Variants in WDR47 observed in about 807,000 individuals in gnomAD.
The protein encoded by WDR47 is WD repeat domain 47, also known as WD repeat-containing protein 47.
Under a neutral mutation model 97.2 loss-of-function variants are expected in WDR47, and 32 were observed. The observed-to-expected ratio is 0.33, with a 90% confidence interval of 0.25 to 0.44. WDR47 has a LOEUF of 0.44. Ranked by LOEUF, WDR47 falls within the 20% of genes least tolerant of loss-of-function variation. The probability of loss-of-function intolerance (pLI) is 1.00; values close to 1 mark genes in which losing one functional copy is unlikely to be tolerated. For missense variants in WDR47, 782 were observed against 1,102.3 expected (o/e 0.71, Z 4.11); for synonymous variants, 375 against 373.5 (o/e 1.00, Z -0.05).
chr1:108,990,318 C>T (rs975931829), intron 9 of WDR47, among the ~76,000 whole-genome samples: 3 of 152,108 alleles, frequency 2.0e-5, no homozygotes, highest in Admixed American at 6.6e-5. Flanking sequence ...AAGCAATTCT[C>T]GTGCCTCAGC....
chr1:108,981,897 G>C (rs367673828), intron 12 of WDR47, 33 bp from the exon 13 acceptor site: 1 of 1,598,278 alleles, frequency 6.3e-7, no homozygotes, highest in Non-Finnish European at 8.5e-7. Flanking sequence ...TTATTAAGGT[G>C]GGAGAGTATC....
intron 7 of WDR47, among the ~76,000 whole-genome samples, chr1:109,001,742 A>C (rs972672982): frequency 6.6e-6 from 1 of 152,060 alleles, no homozygotes; most frequent in African/African-American, 2.4e-5. Flanking sequence ...AAATACAAAA[A>C]TTAGCTGGGT....
At chr1:109,007,673 A>C (rs1660722205) in intron 5 of WDR47, among the ~76,000 whole-genome samples, 1 of 152,194 alleles carries the variant, frequency 6.6e-6, no homozygotes, top group African/African-American at 2.4e-5. Flanking sequence ...CTCTACTAGA[A>C]GCTTTATCTC....
chr1:109,017,806 G>A (rs1661529256), intron 2 of WDR47, among the ~76,000 whole-genome samples: 4 of 150,944 alleles, frequency 2.6e-5, no homozygotes. Flanking sequence ...GAGTGCAATG[G>A]CACAATCTCG....
At chr1:109,016,571 G>A (rs1005650545) in intron 3 of WDR47, among the ~76,000 whole-genome samples, 19 of 152,128 alleles carry the variant, frequency 1.2e-4, no homozygotes, top group African/African-American at 3.9e-4. Flanking sequence ...AAGGAGCCTG[G>A]AGAAAACAGA....
At chr1:109,033,471 A>G (rs1389430014) in intron 1 of WDR47, among the ~76,000 whole-genome samples, 1 of 152,232 alleles carries the variant, frequency 6.6e-6, no homozygotes, top group Non-Finnish European at 1.5e-5. Flanking sequence ...CCTCAATAAT[A>G]GTTTTATAAC....
intron 9 of WDR47, among the ~76,000 whole-genome samples, chr1:108,989,375 C>T (rs1251159385): frequency 1.3e-5 from 2 of 152,252 alleles, no homozygotes; most frequent in African/African-American, 4.8e-5. Context: ...CTCTCTCTAC[C>T]TAAGCCTTTA....
intron 1 of WDR47, 96 bp from the exon 2 acceptor site, chr1:109,023,617 C>T (rs1662004210): frequency 3.3e-6 from 4 of 1,216,742 alleles, no homozygotes; most frequent in Non-Finnish European, 4.5e-6. Flanking sequence ...TACTGGGAAT[C>T]TTTAGTACAC....
chr1:108,983,420 G>A lies in WDR47; in HGVS notation c.1957C>T (p.Arg653Cys), dbSNP rs745414709. ...AHETPKQPVV[R>C]FKRNKHHKGS... The stretch of plus-strand genomic sequence containing the variant: ...TTATGATGTTTATTCCTTTTAAAAC[G>A]TACCACCGGCTGCTTAGGAGTCTCA... Residue 653 changes from arginine to cysteine, a missense_variant, in exon 11 of 15, where the codon CGT becomes TGT. Physicochemically the swap from Arg to Cys is radical, Grantham distance 180. This residue lies in a region of WDR47 where 228 missense variants were observed against 396.7 expected (regional missense o/e 0.57). Transcript: ENST00000369962. 13 of 1,602,218 alleles carry A rather than the reference G, an allele frequency of 8.1e-6. No homozygotes were observed. The highest frequency in any genetic ancestry group is 2.3e-5 in the East Asian group (1 of 44,076).
chr1:109,011,772 A>G (rs898107676), intron 4 of WDR47, 54 bp from the exon 5 acceptor site: 31 of 1,477,230 alleles, frequency 2.1e-5, no homozygotes, highest in African/African-American at 4.2e-5. Flanking sequence ...ATGCTATGAA[A>G]TATGAAAACG....
chr1:108,999,348 A>G (rs900387230), intron 7 of WDR47, among the ~76,000 whole-genome samples: 12 of 152,230 alleles, frequency 7.9e-5, no homozygotes, highest in African/African-American at 2.6e-4. Context: ...TGGAAGCTCC[A>G]TGTCAAAAAC....
At chr1:109,009,838 A>C (rs1660898741) in intron 5 of WDR47, among the ~76,000 whole-genome samples, 1 of 152,074 alleles carries the variant, frequency 6.6e-6, no homozygotes, top group Non-Finnish European at 1.5e-5. Flanking sequence ...TCTCTACTAA[A>C]AATACAAAAA....
intron 9 of WDR47, chr1:108,987,284 C>T (rs1470953865): frequency 6.3e-6 from 1 of 158,652 alleles, no homozygotes; most frequent in Non-Finnish European, 1.5e-5. Flanking sequence ...TAAAGTGCAG[C>T]ATTATTGCTT....
In WDR47 at chr1:108,995,751, C is replaced by T. The variant is rs1251160107; in HGVS notation, c.1520G>A (p.Ser507Asn). Residue 507 changes from serine (S) to asparagine (N), a missense_variant, in exon 8 of 15, where the codon AGC (serine) becomes AAC (asparagine). Coordinates refer to ENST00000369962, the MANE Select transcript of WDR47 (RefSeq NM_001142551.2). ...AGAACCATTAGATCCATTGCCTTTG[C>T]TCCCATTACATTGCTGGTTGAGTGC... ...VSALNQQCNG[S>N]KGNGSNGSSV... is the part of the protein sequence containing the mutation. The T allele has an allele frequency of 4.3e-6, 7 of 1,614,108 alleles. No homozygotes were observed. Among genetic ancestry groups the T allele is most frequent in the Non-Finnish European group, 5.1e-6 (6 of 1,180,024 alleles).
At chr1:108,993,325 CAA>C (rs35638565) in intron 8 of WDR47, among the ~76,000 whole-genome samples, 10,177 of 123,526 alleles carry the variant, frequency 0.082, 452 homozygotes, top group Middle Eastern at 0.16. Context: ...GACACTGTCT[CAA>C]AAAAAAAAAA....
Position 109,002,537 on chromosome 1 carries a change from C to T in WDR47, c.1255-135G>A, listed in dbSNP as rs988948350. On this transcript the variant is annotated intron_variant, in intron 6 of 14. Coordinates refer to ENST00000369962, the MANE Select transcript of WDR47 (RefSeq NM_001142551.2). ...CAATCACAAAATACTTAATCTATTG[C>T]TCTTTGAAAAACAGTATGTGTCTTA... The T allele has an allele frequency of 1.3e-5, 10 of 766,080 alleles. No individual in the cohort carries two copies. The Admixed American group carries it at 3.2e-4, about 25-fold the overall frequency. 47.5% of individuals were successfully genotyped at this position (766,080 alleles called of 1,614,324 possible). A position where few individuals can be genotyped will look rare whatever the true frequency, so the allele number is the denominator to read the frequency against.
intron 1 of WDR47, among the ~76,000 whole-genome samples, chr1:109,032,264 C>T (rs1662651536): frequency 7.2e-6 from 1 of 139,106 alleles, no homozygotes; most frequent in Admixed American, 7.8e-5. Flanking sequence ...GTAATCCCAG[C>T]ACTTTGGGAG....
At chr1:109,024,029 C>A (rs1167172347) in intron 1 of WDR47, among the ~76,000 whole-genome samples, 1 of 152,212 alleles carries the variant, frequency 6.6e-6, no homozygotes, top group Non-Finnish European at 1.5e-5. Context: ...AATGCCTTTT[C>A]TCTGTGACAG....
Position 109,002,422 on chromosome 1 carries a change from AAC to A in WDR47, c.1255-22_1255-21del. On this transcript the variant is annotated intron_variant, in intron 6 of 14. Transcript: ENST00000369962. ...TCGAAGCTTAAAAACATTAGAAAAA[AAC>A]ATATATATTTGAGCAAACTATGACA... is the stretch of plus-strand genomic sequence containing the variant. The A allele has an allele frequency of 6.4e-7, 1 of 1,551,702 alleles. No homozygotes were observed.
Sources: gnomAD v4.1 joint callset for allele counts (sites outside exome capture counted in the v4.1 genomes callset) on GRCh38, gnomAD v4.1.1 for gene constraint, gnomAD v4.1.1 regional missense constraint, MANE v1.5 for transcripts, NCBI Gene and HGNC (gene_info 2026-07-23, HGNC 2026-07-21) for gene names.